MCM10: variants seen among roughly 807,000 people sequenced by gnomAD.
The protein encoded by MCM10 is protein MCM10 homolog.
Under a neutral mutation model 109.9 loss-of-function variants are expected in MCM10, and 91 were observed. The observed-to-expected ratio is 0.83, with a 90% CI of 0.70 to 0.99. The LOEUF is 0.99. MCM10 is among the 50% of genes least tolerant of loss of function. The pLI, the probability that MCM10 is intolerant of heterozygous loss-of-function variation, is 0.00. For missense variants in MCM10, 1,077 were observed against 1,061.2 expected (o/e 1.01, Z -0.21); for synonymous variants, 380 against 387.2 (o/e 0.98, Z 0.22).
At chr10:13,162,807 C>T (rs189916147) in intron 1 of MCM10, among the ~76,000 whole-genome samples, 164 of 152,300 alleles carry the variant, frequency 1.1e-3, no homozygotes, top group African/African-American at 3.6e-3. Context: ...CGGCCAGGCG[C>T]GGTGGCTCAC....
At chr10:13,204,998 GTATGTATATA>G (rs1171893477) in intron 18 of MCM10, among the ~76,000 whole-genome samples, 695 of 18,732 alleles carry the variant, frequency 0.037, 10 homozygotes, top group South Asian at 0.083. Context: ...ATGTATGTAT[GTATGTATATA>G]TATATATATA....
intron 9 of MCM10, 83 bp downstream of exon 9, chr10:13,186,363 C>G: frequency 2.2e-6 from 2 of 905,868 alleles, no homozygotes; most frequent in Non-Finnish European, 3.5e-6. Flanking sequence ...GCTGTGATGA[C>G]CAGTTTGGAA....
rs184210826 is a variant in MCM10 at position 13,188,080 on chromosome 10, G to A, written c.1216-801G>A. Among the ~76,000 whole-genome samples the A allele has an allele frequency of 1.4e-3, 219 of 152,240 alleles. 1 individual carries two copies. The highest frequency in any genetic ancestry group is 1.9e-3 in the Non-Finnish European group (126 of 68,008). ...GAATCACTTGAACCTAGGAGTTGGA[G>A]GTTGCAGTGGGCCAGGATCACGCCA... On this transcript the variant is annotated intron_variant, in intron 9 of 19. Coordinates refer to ENST00000378714, the MANE Select transcript of MCM10 (RefSeq NM_018518.5).
At chr10:13,179,231 A>G (rs183526723) in intron 6 of MCM10, among the ~76,000 whole-genome samples, 56 of 152,180 alleles carry the variant, frequency 3.7e-4, no homozygotes, top group African/African-American at 1.3e-3. Context: ...GGACTCCCCT[A>G]AGCTGTTTGC....
intron 2 of MCM10, among the ~76,000 whole-genome samples, chr10:13,170,214 G>A (rs928815422): frequency 6.6e-6 from 1 of 152,188 alleles, no homozygotes; most frequent in Non-Finnish European, 1.5e-5. Flanking sequence ...TGGGAAGTGG[G>A]GGCAGTGGTC....
intron 5 of MCM10, among the ~76,000 whole-genome samples, chr10:13,173,360 GA>G (rs1834100416): frequency 6.6e-6 from 1 of 152,058 alleles, no homozygotes; most frequent in Non-Finnish European, 1.5e-5. Context: ...TATTCCCTTA[GA>G]AAATGGTCAA....
chr10:13,210,612 A>T lies in MCM10; in HGVS notation c.*1302A>T, dbSNP rs1834648621. 6.6e-6 allele frequency: 1 copy of T among 152,230 alleles called. No homozygotes were observed. The highest frequency in any genetic ancestry group is 2.4e-5 in the African/African-American group (1 of 41,464). 9.4% of individuals were successfully genotyped at this position (152,230 alleles called of 1,614,324 possible). On this transcript the variant is annotated 3_prime_UTR_variant, in exon 20 of 20. Transcript: ENST00000378714. ...TTCAAAAGCTAGAAATAAAATTTAC[A>T]TGCCTTAGATTTCATAAAATTCTGC...
At position 13,186,221 on chromosome 10, in the gene MCM10, C is replaced by A; in HGVS notation, c.1156C>A (p.Leu386Met). 3 of 1,613,372 alleles carry A rather than the reference C, an allele frequency of 1.9e-6. No homozygotes were observed. The highest frequency in any genetic ancestry group is 2.5e-6 in the Non-Finnish European group (3 of 1,179,536). ...KVLIMGEALD[L>M]GTCKAKKKNG... Reference sequence around the variant, plus strand: ...CTTAATTATGGGTGAAGCTCTTGACCTGGGAACCTGTAAAGCCAAGAAGAA... The same window carrying A: ...CTTAATTATGGGTGAAGCTCTTGACATGGGAACCTGTAAAGCCAAGAAGAA... The change falls in exon 9 of 20, where the codon CTG (leucine) becomes ATG (methionine). Residue 386 changes from leucine to methionine, a missense_variant. Transcript: ENST00000378714.
chr10:13,189,932 C>T (rs1834325554), intron 10 of MCM10, among the ~76,000 whole-genome samples: 1 of 151,954 alleles, frequency 6.6e-6, no homozygotes, highest in African/African-American at 2.4e-5. Context: ...TTGTCTTGGA[C>T]TACACATAAA....
rs143331879 is a variant in MCM10 at position 13,200,173 on chromosome 10, A to C, written c.2239-1248A>C. On this transcript the variant is annotated intron_variant, in intron 16 of 19. Coordinates refer to ENST00000378714, the MANE Select transcript of MCM10 (RefSeq NM_018518.5). ...AGGGTTTATCTAGTTTTACTCTTGG[A>C]ATGGTCAACATAGGTTAAAACCATG... 2.0e-3 allele frequency among the ~76,000 whole-genome samples: 311 copies of C among 152,054 alleles called. 1 individual carries two copies. Among genetic ancestry groups the C allele is most frequent in the African/African-American group, 6.9e-3 (288 of 41,454 alleles).
chr10:13,206,850 G>A (rs1834588641), intron 18 of MCM10, among the ~76,000 whole-genome samples: 1 of 151,644 alleles, frequency 6.6e-6, no homozygotes, highest in Admixed American at 6.6e-5. Flanking sequence ...TGTCATCCAG[G>A]CAGGAGTGCA....
chr10:13,197,467 G>T (rs1324670841), intron 14 of MCM10, among the ~76,000 whole-genome samples, 156 bp from the exon 15 acceptor site: 1 of 152,136 alleles, frequency 6.6e-6, no homozygotes, highest in Non-Finnish European at 1.5e-5. Context: ...TCTAGTAATT[G>T]TGTTAATAAT....
At position 13,201,488 on chromosome 10, in the gene MCM10, T is replaced by G; in HGVS notation, c.2306T>G (p.Met769Arg). The G allele has an allele frequency of 4.3e-6, 7 of 1,612,958 alleles. No individual in the cohort carries two copies. The highest frequency in any genetic ancestry group is 4.2e-6 in the Non-Finnish European group (5 of 1,179,466). Reference sequence around the variant, plus strand: ...AAAAAAGAACAAATGGAAGAAAAGATGAGAAACATCAGAGAAGTGAAGTGC... The same window carrying G: ...AAAAAAGAACAAATGGAAGAAAAGAGGAGAAACATCAGAGAAGTGAAGTGC... ...LVKKEQMEEKMRNIREVKCRV... is the reference protein window; with the variant it reads ...LVKKEQMEEKRRNIREVKCRV... Residue 769 changes from methionine (M) to arginine (R), a missense_variant, in exon 17 of 20, where the codon ATG becomes AGG. Physicochemically the swap from Met to Arg is moderately conservative, Grantham distance 91 (BLOSUM62 -1). Transcript: ENST00000378714.
chr10:13,172,265 G>T lies in MCM10; in HGVS notation c.350-111G>T. 1 of 727,804 alleles carries T rather than the reference G, an allele frequency of 1.4e-6. No individual in the cohort carries two copies. The highest frequency in any genetic ancestry group is 2.7e-4 in the Middle Eastern group (1 of 3,764). The allele number at this position is 727,804 out of a possible 1,614,324, so 45.1% of individuals were successfully genotyped here. Reference sequence around the variant, plus strand: ...CTTTGGGTATGTGATTATATTGTGGGTCTCAAGGTATTGGGGCAGGGAGTG... The same window carrying T: ...CTTTGGGTATGTGATTATATTGTGGTTCTCAAGGTATTGGGGCAGGGAGTG... On this transcript the variant is annotated intron_variant, in intron 3 of 19. Coordinates refer to ENST00000378714, the MANE Select transcript of MCM10 (RefSeq NM_018518.5). This position sits in a 1 kb window ranked among gnomAD's most constrained non-coding sequence, Gnocchi z 5.2.
chr10:13,199,987 G>A (rs1031667172), intron 16 of MCM10, among the ~76,000 whole-genome samples: 2 of 151,960 alleles, frequency 1.3e-5, no homozygotes, highest in African/African-American at 4.8e-5. Context: ...TGGGGGTTGG[G>A]GAGGTTTTGT....
chr10:13,195,104 T>A lies in MCM10; in HGVS notation c.1809T>A (p.Pro603=), dbSNP rs1426863070. ...PAVPSSSRQP[P]AQPPRTGSEF... ...TGCCATCTTCATCAAGACAGCCCCC[T>A]GCTCAGCCTCCACGGACAGGATCCG... The change falls in exon 14 of 20, where the codon CCT becomes CCA. Residue 603 remains proline, a synonymous_variant. Coordinates refer to ENST00000378714, the MANE Select transcript of MCM10 (RefSeq NM_018518.5). 1.2e-6 allele frequency: 2 copies of A among 1,614,178 alleles called. No homozygotes were observed. Among genetic ancestry groups the A allele is most frequent in the Non-Finnish European group, 1.7e-6 (2 of 1,180,016 alleles).
At position 13,175,685 on chromosome 10, in the gene MCM10, A is replaced by G. The variant is rs1564383270; in HGVS notation, c.764+4A>G. On this transcript the variant is annotated splice_donor_region_variant and intron_variant, in intron 6 of 19. Coordinates refer to ENST00000378714, the MANE Select transcript of MCM10 (RefSeq NM_018518.5). ...CCTTCTCTGGTCTGCGGCTCAGGTC[A>G]GTAGCTAAACCATCTATTCATGTGC... 7.5e-6 allele frequency: 12 copies of G among 1,592,208 alleles called. No individual in the cohort carries two copies. The highest frequency in any genetic ancestry group is 1.0e-5 in the Non-Finnish European group (12 of 1,167,750).
At chr10:13,192,386 ACACGTGTGTC>A in intron 12 of MCM10, 21 bp downstream of exon 12, 1 of 1,612,984 alleles carries the variant, frequency 6.2e-7, no homozygotes, top group South Asian at 1.1e-5. Context: ...CTGCATGGCC[ACACGTGTGTC>A]CCTGTGTTCC....
At chr10:13,199,131 A>G (rs1834463154) in intron 16 of MCM10, among the ~76,000 whole-genome samples, 1 of 152,186 alleles carries the variant, frequency 6.6e-6, no homozygotes, top group East Asian at 1.9e-4. Context: ...CCTGACCTCA[A>G]GTGATCCTCC....
Sources: allele counts gnomAD v4.1 joint callset (sites outside exome capture counted in the v4.1 genomes callset), GRCh38; gene constraint gnomAD v4.1.1; non-coding constraint Gnocchi (gnomAD v3.1); transcripts MANE v1.5; gene names NCBI Gene and HGNC (gene_info 2026-07-23, HGNC 2026-07-21).